CDK19: variants seen among roughly 807,000 people sequenced by gnomAD.
The protein encoded by CDK19 is cyclin dependent kinase 19, also known as cyclin-dependent kinase 19.
In CDK19, 20 loss-of-function variants were observed where a neutral mutation model predicts 68.3. The observed-to-expected ratio is 0.29, with a 90% CI of 0.21 to 0.43. The LOEUF is 0.43. Ranked by LOEUF, CDK19 falls within the 20% of genes least tolerant of loss-of-function variation. CDK19 has a pLI of 1.00. For synonymous variants in CDK19, 221 were observed against 222.8 expected, an observed-to-expected ratio of 0.99 and a Z score of 0.07; for missense variants, 339 against 623.5, an observed-to-expected ratio of 0.54 and a Z score of 4.86.
chr6:110,711,645 A>G (rs952353976), intron 2 of CDK19, among the ~76,000 whole-genome samples: 1 of 152,254 alleles, frequency 6.6e-6, no homozygotes, highest in African/African-American at 2.4e-5. Context: ...GAATTTATAT[A>G]TGAACTAATA....
chr6:110,759,426 A>ATAT (rs1401012805), intron 1 of CDK19, among the ~76,000 whole-genome samples: 34 of 92,680 alleles, frequency 3.7e-4, no homozygotes, highest in African/African-American at 7.1e-4. Flanking sequence ...AAAAAAAAAA[A>ATAT]AAATATATAT....
intron 2 of CDK19, among the ~76,000 whole-genome samples, chr6:110,721,433 T>TG (rs1304941037): frequency 6.6e-5 from 10 of 152,086 alleles, no homozygotes; most frequent in Non-Finnish European, 1.3e-4. Context: ...TCACTTCTTT[T>TG]GCTTGCAAGA....
chr6:110,695,937 C>T (rs992018267), intron 2 of CDK19, among the ~76,000 whole-genome samples: 5 of 151,928 alleles, frequency 3.3e-5, no homozygotes, highest in African/African-American at 1.2e-4. Flanking sequence ...GAATTGGTAC[C>T]AATCTTACTG....
intron 2 of CDK19, among the ~76,000 whole-genome samples, chr6:110,699,832 A>G (rs965762629): frequency 2.0e-5 from 3 of 152,196 alleles, no homozygotes; most frequent in African/African-American, 7.2e-5. Context: ...AGCTAACAAA[A>G]TGTTTGGAAA....
intron 2 of CDK19, among the ~76,000 whole-genome samples, chr6:110,695,576 A>C (rs1421746328): frequency 6.6e-6 from 1 of 152,220 alleles, no homozygotes; most frequent in Non-Finnish European, 1.5e-5. Context: ...TGAAAAGATA[A>C]ACAAAATTGA....
At chr6:110,644,083 G>C (rs1780379143) in intron 4 of CDK19, among the ~76,000 whole-genome samples, 1 of 152,214 alleles carries the variant, frequency 6.6e-6, no homozygotes, top group Admixed American at 6.5e-5. Flanking sequence ...CACAAGGTCA[G>C]GAGTTTGAGA....
intron 1 of CDK19, chr6:110,813,223 T>C (rs894145239): frequency 1.3e-5 from 2 of 152,164 alleles, no homozygotes; most frequent in African/African-American, 2.4e-5. Context: ...GCAAGAATTA[T>C]CTGGTTTTTG....
At chr6:110,702,926 A>G (rs1160617274) in intron 2 of CDK19, among the ~76,000 whole-genome samples, 1 of 152,182 alleles carries the variant, frequency 6.6e-6, no homozygotes, top group African/African-American at 2.4e-5. Context: ...AACAAATAGC[A>G]ATTGTGATAT....
intron 2 of CDK19, among the ~76,000 whole-genome samples, chr6:110,720,233 G>T (rs1472546762): frequency 6.6e-5 from 10 of 152,126 alleles, no homozygotes; most frequent in African/African-American, 2.4e-4. Context: ...CTCAAGAGAA[G>T]TTCTTGACAA....
At chr6:110,807,439 T>C (rs757798399) in intron 1 of CDK19, among the ~76,000 whole-genome samples, 37 of 152,178 alleles carry the variant, frequency 2.4e-4, no homozygotes, top group Admixed American at 8.5e-4. Flanking sequence ...AGGGATGACT[T>C]ACGTTACACT....
intron 1 of CDK19, among the ~76,000 whole-genome samples, chr6:110,785,395 C>T (rs1282586257): frequency 6.6e-6 from 1 of 152,142 alleles, no homozygotes; most frequent in African/African-American, 2.4e-5. Flanking sequence ...TCACTGATAA[C>T]ATAAATAGTC....
At chr6:110,753,149 C>T (rs1263253501) in intron 1 of CDK19, among the ~76,000 whole-genome samples, 2 of 152,040 alleles carry the variant, frequency 1.3e-5, no homozygotes, top group Non-Finnish European at 1.5e-5. Flanking sequence ...AAGCTGGTCT[C>T]GAATTCCTGG....
chr6:110,677,760 A>G (rs1336363432), intron 2 of CDK19, among the ~76,000 whole-genome samples: 2 of 152,144 alleles, frequency 1.3e-5, no homozygotes, highest in Non-Finnish European at 2.9e-5. Flanking sequence ...ATATTAGAGT[A>G]TCTTTCAATG....
At chr6:110,711,998 G>A (rs913891689) in intron 2 of CDK19, among the ~76,000 whole-genome samples, 3 of 152,090 alleles carry the variant, frequency 2.0e-5, no homozygotes, top group Non-Finnish European at 4.4e-5. Context: ...AAATTACAAC[G>A]AACTTCAGGT....
rs201918838 is a variant in CDK19 at position 110,791,976 on chromosome 6, CT to C, written c.128+23032del. On this transcript the variant is annotated intron_variant, in intron 1 of 12. Coordinates refer to ENST00000368911, the MANE Select transcript of CDK19 (RefSeq NM_015076.5). Reference sequence around the variant, plus strand: ...GCATGTTTTCTAATTTTTTCTTAAACTTTTTTTTTTTTTGAGACGGAGTCCC... The same window carrying C: ...GCATGTTTTCTAATTTTTTCTTAAACTTTTTTTTTTTTGAGACGGAGTCCC... Among the ~76,000 whole-genome samples, 244 of 144,526 alleles carry C rather than the reference CT, an allele frequency of 1.7e-3. 1 individual carries two copies. The highest frequency in any genetic ancestry group is 4.2e-3 in the African/African-American group (166 of 39,704). 94.8% of individuals were successfully genotyped at this position (144,526 alleles called of 152,430 possible).
At position 110,667,128 on chromosome 6, in the gene CDK19, T is replaced by C. The variant is rs1781992922; in HGVS notation, c.456+306A>G. On this transcript the variant is annotated intron_variant, in intron 4 of 12. Transcript: ENST00000368911. The stretch of plus-strand genomic sequence containing the variant: ...GATGAGCAATAATATGAAGAACAAA[T>C]TGGATTGAAATGTGCATGCTTCACA... Among the ~76,000 whole-genome samples, 3 of 152,136 alleles carry C rather than the reference T, an allele frequency of 2.0e-5. No individual in the cohort carries two copies. In the South Asian group the frequency reaches 6.2e-4, roughly 31 times the overall value.
chr6:110,722,093 T>C (rs1775940646), intron 2 of CDK19, among the ~76,000 whole-genome samples: 1 of 152,232 alleles, frequency 6.6e-6, no homozygotes, highest in Admixed American at 6.5e-5. Flanking sequence ...AAATAACATA[T>C]GACATGGCAA....
intron 4 of CDK19, among the ~76,000 whole-genome samples, chr6:110,657,195 G>A (rs1374233296): frequency 6.6e-6 from 1 of 152,160 alleles, no homozygotes; most frequent in East Asian, 1.9e-4. Context: ...TGAAAACCCA[G>A]TTCTCTCAGA....
In CDK19 at chr6:110,613,065, A is replaced by G. The variant is rs917048419; in HGVS notation, c.*1470T>C. On this transcript the variant is annotated 3_prime_UTR_variant, in exon 13 of 13. Coordinates refer to ENST00000368911, the MANE Select transcript of CDK19 (RefSeq NM_015076.5). ...CATTTAAAACAAGGCTGGTGCTGCT[A>G]GTAGCATTCAGAAGAACACAAATTT... The G allele has an allele frequency of 2.0e-5, 3 of 152,644 alleles. No individual in the cohort carries two copies. Among genetic ancestry groups the G allele is most frequent in the African/African-American group, 7.2e-5 (3 of 41,468 alleles). 9.5% of individuals were successfully genotyped at this position (152,644 alleles called of 1,614,324 possible). A position where few individuals can be genotyped will look rare whatever the true frequency, so the allele number is the denominator to read the frequency against.
Sources: allele counts gnomAD v4.1 joint callset (sites outside exome capture counted in the v4.1 genomes callset), GRCh38; gene constraint gnomAD v4.1.1; transcripts MANE v1.5; gene names NCBI Gene and HGNC (gene_info 2026-07-23, HGNC 2026-07-21).